CCDC178: variants seen among roughly 807,000 people sequenced by gnomAD.
CCDC178 encodes coiled-coil domain-containing protein 178.
CCDC178 carries 126 observed loss-of-function variants against 117.4 expected under a neutral mutation model. The ratio of observed to expected loss-of-function variants is 1.07; its 90% CI spans 0.93 to 1.24. The LOEUF (loss-of-function observed/expected upper bound fraction) is 1.24. CCDC178 is among the 50% of genes most tolerant of loss of function. The probability of loss-of-function intolerance (pLI) is 0.00; values close to 1 mark genes in which losing one functional copy is unlikely to be tolerated. For missense variants in CCDC178, 1,030 were observed against 986.9 expected, an observed-to-expected ratio of 1.04 and a Z score of -0.59; for synonymous variants, 283 against 313.4, an observed-to-expected ratio of 0.90 and a Z score of 1.02.
intron 11 of CCDC178, among the ~76,000 whole-genome samples, chr18:33,320,041 A>AAC: frequency 6.6e-6 from 1 of 152,236 alleles, no homozygotes; most frequent in Non-Finnish European, 1.5e-5. Context: ...AAAATTCAAC[A>AAC]GCCCTTCATG....
In CCDC178 at chr18:33,135,779, T is replaced by C. The variant is rs191655403; in HGVS notation, c.2239-42869A>G. On this transcript the variant is annotated intron_variant, in intron 20 of 22. Coordinates refer to ENST00000383096, the MANE Select transcript of CCDC178 (RefSeq NM_001105528.4). ...TTGGGTAGCCCACCTAGCTTGCTGATGGGAAGAATAGGGCACTGACCCTGA... is the reference window on the plus strand; with the variant it reads ...TTGGGTAGCCCACCTAGCTTGCTGACGGGAAGAATAGGGCACTGACCCTGA... Among the ~76,000 whole-genome samples the C allele has an allele frequency of 4.6e-5, 7 of 152,290 alleles. No individual in the cohort carries two copies. In the East Asian group the frequency reaches 1.4e-3, roughly 29 times the overall value.
At chr18:33,306,549 T>TTA (rs1325708681) in intron 11 of CCDC178, among the ~76,000 whole-genome samples, 10 of 133,542 alleles carry the variant, frequency 7.5e-5, no homozygotes, top group Admixed American at 6.7e-4. Flanking sequence ...TAATATATGG[T>TTA]TATATATATA....
chr18:33,135,162 TATTA>T (rs982899821), intron 20 of CCDC178, among the ~76,000 whole-genome samples: 2 of 152,138 alleles, frequency 1.3e-5, no homozygotes, highest in Admixed American at 6.6e-5. Flanking sequence ...TTAAAATATT[TATTA>T]ATTTTGTCAT....
At chr18:33,073,543 C>CTATATATA in intron 21 of CCDC178, among the ~76,000 whole-genome samples, 1 of 143,360 alleles carries the variant, frequency 7.0e-6, no homozygotes, top group South Asian at 2.1e-4. Flanking sequence ...ATCTATCTAT[C>CTATATATA]TATCTATCTA....
intron 21 of CCDC178, among the ~76,000 whole-genome samples, chr18:33,046,748 T>C (rs1436084737): frequency 6.6e-6 from 1 of 152,098 alleles, no homozygotes; most frequent in Admixed American, 6.6e-5. Context: ...GTGACATCTC[T>C]AGGCAGGGGA....
chr18:33,138,784 C>T (rs773806583), intron 20 of CCDC178, among the ~76,000 whole-genome samples: 2 of 152,090 alleles, frequency 1.3e-5, no homozygotes, highest in Non-Finnish European at 2.9e-5. Context: ...TTTTGTCTGA[C>T]TCCAAAGCCC....
In CCDC178 at chr18:33,370,110, G is replaced by A; in HGVS notation, c.288C>T (p.Val96=). The change falls in exon 6 of 23, where the codon GTC becomes GTT. Residue 96 remains valine (V), a synonymous_variant. Coordinates refer to ENST00000383096, the MANE Select transcript of CCDC178 (RefSeq NM_001105528.4). ...CAVVNIPAPC[V]NKMISHIQDV... Reference sequence around the variant, plus strand: ...CTTGGATGTGTGAAATCATTTTGTTGACACAAGGTGCTGGAATATTTACTA... The same window carrying A: ...CTTGGATGTGTGAAATCATTTTGTTAACACAAGGTGCTGGAATATTTACTA... 6.2e-7 allele frequency: 1 copy of A among 1,605,786 alleles called. No individual in the cohort carries two copies. Among genetic ancestry groups the A allele is most frequent in the Admixed American group, 1.7e-5 (1 of 58,628 alleles).
At chr18:33,286,199 A>G (rs1326727577) in intron 12 of CCDC178, among the ~76,000 whole-genome samples, 1 of 151,772 alleles carries the variant, frequency 6.6e-6, no homozygotes, top group East Asian at 1.9e-4. Flanking sequence ...CTGGTCTCGA[A>G]CTCCTGACCT....
chr18:33,287,431 A>G (rs763196170), intron 12 of CCDC178, among the ~76,000 whole-genome samples: 2 of 152,310 alleles, frequency 1.3e-5, no homozygotes, highest in Admixed American at 1.3e-4. Flanking sequence ...AATGATTTCT[A>G]TAATTAAAAA....
chr18:33,233,720 A>T (rs1326417632), intron 15 of CCDC178, among the ~76,000 whole-genome samples: 1 of 152,110 alleles, frequency 6.6e-6, no homozygotes, highest in Non-Finnish European at 1.5e-5. Flanking sequence ...TTATGTATTT[A>T]TCACCCAAAG....
chr18:33,311,111 C>T (rs1238831577), intron 11 of CCDC178, among the ~76,000 whole-genome samples: 2 of 152,190 alleles, frequency 1.3e-5, no homozygotes, highest in Non-Finnish European at 2.9e-5. Context: ...GATTCATCAT[C>T]CTAACTGGGA....
Position 33,086,696 on chromosome 18 carries a change from T to C in CCDC178, c.2388+6065A>G, listed in dbSNP as rs572230191. Reference sequence around the variant, plus strand: ...TACACAGTGTGTCATGTTATATATATGTATATACACATACGCATGCACATT... The same window carrying C: ...TACACAGTGTGTCATGTTATATATACGTATATACACATACGCATGCACATT... On this transcript the variant is annotated intron_variant, in intron 21 of 22. Transcript: ENST00000383096. Among the ~76,000 whole-genome samples, 26 of 152,168 alleles carry C rather than the reference T, an allele frequency of 1.7e-4. No homozygotes were observed. In the South Asian group the frequency reaches 3.9e-3, roughly 23 times the overall value.
intron 21 of CCDC178, among the ~76,000 whole-genome samples, chr18:32,981,320 C>A (rs566038544): frequency 7.1e-4 from 108 of 152,090 alleles, no homozygotes; most frequent in African/African-American, 2.5e-3. Flanking sequence ...ATGGTAAACA[C>A]AAAAGGTTAA....
At chr18:33,329,133 T>G (rs2062628986) in intron 10 of CCDC178, among the ~76,000 whole-genome samples, 2 of 152,156 alleles carry the variant, frequency 1.3e-5, no homozygotes, top group African/African-American at 4.8e-5. Context: ...CTTTGTGTGT[T>G]GAGCTGAATT....
intron 2 of CCDC178, among the ~76,000 whole-genome samples, chr18:33,433,663 C>T (rs569155739): frequency 2.6e-4 from 39 of 152,238 alleles, no homozygotes; most frequent in African/African-American, 9.4e-4. Flanking sequence ...CCCATAATTA[C>T]AGCTTTAAGC....
intron 12 of CCDC178, among the ~76,000 whole-genome samples, chr18:33,280,867 A>G (rs1403378862): frequency 3.9e-5 from 6 of 151,952 alleles, no homozygotes; most frequent in Admixed American, 2.0e-4. Context: ...AAAACTAAAC[A>G]CCGCATGTTC....
intron 9 of CCDC178, among the ~76,000 whole-genome samples, chr18:33,345,344 C>G (rs565182782): frequency 9.9e-5 from 15 of 152,178 alleles, no homozygotes; most frequent in African/African-American, 3.6e-4. Flanking sequence ...AATCCAATAC[C>G]TTTAGATTCT....
intron 2 of CCDC178, among the ~76,000 whole-genome samples, chr18:33,433,617 G>A (rs1209265252): frequency 3.3e-4 from 50 of 152,092 alleles, no homozygotes; most frequent in Non-Finnish European, 1.2e-4. Context: ...AAATAAAGAA[G>A]AATAGAGTGA....
intron 9 of CCDC178, among the ~76,000 whole-genome samples, chr18:33,338,399 C>T (rs1162311798): frequency 6.6e-6 from 1 of 152,164 alleles, no homozygotes; most frequent in African/African-American, 2.4e-5. Flanking sequence ...AATCCCATTA[C>T]TAGGTATCTA....
Sources: allele counts gnomAD v4.1 joint callset (sites outside exome capture counted in the v4.1 genomes callset), GRCh38; gene constraint gnomAD v4.1.1; transcripts MANE v1.5; gene names NCBI Gene and HGNC (gene_info 2026-07-23, HGNC 2026-07-21).